The following GCKR variants were observed in gnomAD, a reference collection of about 807,000 sequenced individuals.
GCKR encodes the protein glucokinase regulator.
A neutral mutation model predicts 82.9 loss-of-function variants in GCKR; 73 were observed. That is an observed-to-expected ratio of 0.88 (90% confidence interval 0.73 to 1.07). The LOEUF (loss-of-function observed/expected upper bound fraction) is 1.07. Among genes scored for constraint, GCKR ranks in the 50% least tolerant of loss-of-function variants. GCKR has a pLI of 0.00. For missense variants in GCKR, 784 were observed against 782.1 expected (o/e 1.00, Z -0.03); for synonymous variants, 294 against 291.8 (o/e 1.01, Z -0.08).
chr2:27,504,400 C>T (rs929796545), intron 9 of GCKR, among the ~76,000 whole-genome samples: 1 of 151,498 alleles, frequency 6.6e-6, no homozygotes, highest in African/African-American at 2.4e-5. Flanking sequence ...TCTTGTCACC[C>T]AGGCTGGAAT....
At chr2:27,520,566 T>C (rs1382987754) in intron 17 of GCKR, among the ~76,000 whole-genome samples, 1 of 152,216 alleles carries the variant, frequency 6.6e-6, no homozygotes, top group Non-Finnish European at 1.5e-5. Flanking sequence ...GTCCAAAACA[T>C]TGGCCACCAG....
chr2:27,516,466 T>G (rs1334171487), intron 16 of GCKR, among the ~76,000 whole-genome samples: 1 of 151,786 alleles, frequency 6.6e-6, no homozygotes, highest in Non-Finnish European at 1.5e-5. Context: ...AATTTTCTTT[T>G]GTATTTTTAG....
chr2:27,521,814 C>G (rs1428286736), intron 17 of GCKR, among the ~76,000 whole-genome samples: 2 of 152,038 alleles, frequency 1.3e-5, no homozygotes. Context: ...CCTCAAACTC[C>G]TGAGCTCAGG....
At chr2:27,520,768 G>A (rs2148593657) in intron 17 of GCKR, among the ~76,000 whole-genome samples, 1 of 152,250 alleles carries the variant, frequency 6.6e-6, no homozygotes, top group East Asian at 1.9e-4. Context: ...GGGCACGGTG[G>A]CTCACGCCTG....
chr2:27,523,234 C>T (rs372806461), intron 18 of GCKR, 35 bp from the exon 19 acceptor site: 2 of 1,593,790 alleles, frequency 1.3e-6, no homozygotes, highest in Non-Finnish European at 1.7e-6. Flanking sequence ...ACCTCATTCC[C>T]TCAGGCTTCA....
chr2:27,520,178 A>AAT (rs1558443354), intron 17 of GCKR, among the ~76,000 whole-genome samples: 1 of 152,138 alleles, frequency 6.6e-6, no homozygotes, highest in Non-Finnish European at 1.5e-5. Context: ...GAAAGGAATC[A>AAT]ATCAATGAAC....
At position 27,506,874 on chromosome 2, in the gene GCKR, C is replaced by G. The variant is rs371250239; in HGVS notation, c.1055C>G (p.Thr352Ser). The G allele has an allele frequency of 6.2e-7, 1 of 1,600,552 alleles. No individual in the cohort carries two copies. The highest frequency in any genetic ancestry group is 1.1e-5 in the South Asian group (1 of 90,806). ...ATGGATGGAGTAGAGTGCATCCACA[C>G]CTTTGGTGCTGGTGGGACCCCAGTC... The part of the protein sequence containing the change: ...AIMDGVECIH[T>S]FGADFRDVRG... Residue 352 changes from threonine to serine, a missense_variant, in exon 12 of 19, where the codon ACC becomes AGC. Physicochemically the swap from Thr to Ser is moderately conservative, Grantham distance 58. Transcript: ENST00000264717.
chr2:27,505,980 G>A, intron 10 of GCKR, 144 bp downstream of exon 10: 2 of 736,986 alleles, frequency 2.7e-6, no homozygotes, highest in Non-Finnish European at 5.0e-6. Context: ...AGGGAGCTGG[G>A]TAGTACATGC....
chr2:27,496,983 G>A lies in GCKR; in HGVS notation c.60+19G>A. On this transcript the variant is annotated intron_variant, in intron 1 of 18. Transcript: ENST00000264717. ...GTGGGAGGTGAGACCCCTTCTTCAT[G>A]TTGGCTTTCTGTGCTGATTCCTAGA... 1 of 1,596,692 alleles carries A rather than the reference G, an allele frequency of 6.3e-7. No individual in the cohort carries two copies. The highest frequency in any genetic ancestry group is 1.7e-5 in the Admixed American group (1 of 60,012).
At chr2:27,508,341 A>C in intron 16 of GCKR, 90 bp downstream of exon 16, 4 of 894,684 alleles carry the variant, frequency 4.5e-6, no homozygotes, top group Non-Finnish European at 5.7e-6. Context: ...GTAGGGCAGA[A>C]AGTTTGGAGA....
At chr2:27,522,648 T>C in intron 18 of GCKR, 54 bp downstream of exon 18, 2 of 1,487,024 alleles carry the variant, frequency 1.3e-6, no homozygotes, top group Non-Finnish European at 1.9e-6. Flanking sequence ...ACTTTCAGTG[T>C]GTCAGGAAGT....
intron 16 of GCKR, among the ~76,000 whole-genome samples, chr2:27,512,144 C>T (rs1227706320): frequency 6.9e-6 from 1 of 143,950 alleles, no homozygotes. Flanking sequence ...GAGGCTGAGG[C>T]AGAAGAATCG....
chr2:27,506,980 T>C, intron 12 of GCKR, 95 bp downstream of exon 12: 1 of 858,516 alleles, frequency 1.2e-6, no homozygotes, highest in Non-Finnish European at 2.0e-6. Flanking sequence ...CCCATGGGTG[T>C]TCCTCAGTGT....
chr2:27,514,372 A>C (rs981544934), intron 16 of GCKR, among the ~76,000 whole-genome samples: 2 of 152,118 alleles, frequency 1.3e-5, no homozygotes, highest in African/African-American at 4.8e-5. Flanking sequence ...CATCATCAAT[A>C]TATCTGCCGT....
At chr2:27,512,137 G>T (rs1669898570) in intron 16 of GCKR, among the ~76,000 whole-genome samples, 1 of 150,716 alleles carries the variant, frequency 6.6e-6, no homozygotes, top group Non-Finnish European at 1.5e-5. Flanking sequence ...TACTCAGGAG[G>T]CTGAGGCAGA....
chr2:27,511,048 G>A (rs1669869774), intron 16 of GCKR, among the ~76,000 whole-genome samples: 1 of 151,928 alleles, frequency 6.6e-6, no homozygotes, highest in Non-Finnish European at 1.5e-5. Flanking sequence ...TTATTTGTGA[G>A]ACAGAGTCTC....
intron 17 of GCKR, among the ~76,000 whole-genome samples, chr2:27,519,733 G>C (rs1387912268): frequency 1.3e-5 from 2 of 152,184 alleles, no homozygotes; most frequent in African/African-American, 4.8e-5. Flanking sequence ...GCAAATGCCT[G>C]GTTGGGGGCT....
chr2:27,515,744 C>A (rs1463657982), intron 16 of GCKR, among the ~76,000 whole-genome samples: 1 of 130,118 alleles, frequency 7.7e-6, no homozygotes, highest in Admixed American at 8.2e-5. Flanking sequence ...TCCAATTGTT[C>A]GTATATATAT....
chr2:27,497,500 A>AC, intron 2 of GCKR, 62 bp from the exon 3 acceptor site: 3 of 1,562,286 alleles, frequency 1.9e-6, no homozygotes, highest in Non-Finnish European at 1.8e-6. Context: ...AAACCCTGAG[A>AC]CCCCCTCCCC....
Sources: gnomAD v4.1 joint callset for allele counts (sites outside exome capture counted in the v4.1 genomes callset) on GRCh38, gnomAD v4.1.1 for gene constraint, MANE v1.5 for transcripts, NCBI Gene and HGNC (gene_info 2026-07-23, HGNC 2026-07-21) for gene names.